The following SYNE3 variants were observed in gnomAD, a reference collection of about 807,000 sequenced individuals.
The protein encoded by SYNE3 is spectrin repeat containing nuclear envelope family member 3.
In SYNE3, 100 loss-of-function variants were observed where a neutral mutation model predicts 111.2. The observed-to-expected ratio is 0.90, with a 90% CI of 0.77 to 1.06. SYNE3 has a LOEUF of 1.06. SYNE3 is among the 50% of genes least tolerant of loss of function. SYNE3 has a pLI of 0.00. For missense variants in SYNE3, 1,160 were observed against 1,240.3 expected, an observed-to-expected ratio of 0.94 and a Z score of 0.97; for synonymous variants, 547 against 533.9, an observed-to-expected ratio of 1.02 and a Z score of -0.34.
intron 13 of SYNE3, among the ~76,000 whole-genome samples, chr14:95,439,411 C>T (rs1595191114): frequency 6.6e-6 from 1 of 152,330 alleles, no homozygotes; most frequent in East Asian, 1.9e-4. Flanking sequence ...AGACTGGAGG[C>T]TAACTCCCAA....
rs1889365962 is a variant in SYNE3, at chr14:95,483,324, AAGCTGACCC to A, written c.-14-7498_-14-7490del. Among the ~76,000 whole-genome samples the A allele has an allele frequency of 2.0e-5, 3 of 152,006 alleles. No homozygotes were observed. The South Asian group carries it at 6.2e-4, about 32-fold the overall frequency. On this transcript the variant is annotated intron_variant, in intron 1 of 17. Transcript: ENST00000682763. ...CAAGCTGGCCGGGGCCGCCCACCAC[AAGCTGACCC>A]AGAGTTCTGGCATGGGCGTGCTCGC...
In SYNE3 at chr14:95,467,863, G is replaced by A. The variant is rs1888286899; in HGVS notation, c.249C>T (p.Ile83=). Residue 83 remains isoleucine (I), a synonymous_variant, in exon 3 of 18, where the codon ATC becomes ATT. Coordinates refer to ENST00000682763, the MANE Select transcript of SYNE3 (RefSeq NM_152592.6). The stretch of plus-strand genomic sequence containing the variant: ...CCTTGATGTCCTTCAGCCGGGCCAG[G>A]ATCCCGGGCTTCTGGTCCCCAGGGC... The part of the protein sequence containing the change: ...ACCPGDQKPG[I]LARLKDIKAQ... 1 of 1,614,210 alleles carries A rather than the reference G, an allele frequency of 6.2e-7. No homozygotes were observed. Among genetic ancestry groups the A allele is most frequent in the East Asian group, 2.2e-5 (1 of 44,884 alleles).
Position 95,409,538 on chromosome 14 carries a change from T to C in SYNE3, c.*8288A>G, listed in dbSNP as rs999656269. 1 of 391,320 alleles carries C rather than the reference T, an allele frequency of 2.6e-6. No individual in the cohort carries two copies. Among genetic ancestry groups the C allele is most frequent in the Non-Finnish European group, 5.0e-6 (1 of 199,226 alleles). The allele number at this position is 391,320 out of a possible 1,614,324, so 24.2% of individuals were successfully genotyped here. A position where few individuals can be genotyped will look rare whatever the true frequency, so the allele number is the denominator to read the frequency against. The stretch of plus-strand genomic sequence containing the variant: ...CTGTCTCTCGGCTGGACAAGGTGGT[T>C]GGGTTGGGGATGATGTTACCATGAC... On this transcript the variant is annotated 3_prime_UTR_variant, in exon 18 of 18. Transcript: ENST00000682763.
At chr14:95,498,821 TC>T (rs924607296) in intron 1 of SYNE3, among the ~76,000 whole-genome samples, 8 of 151,506 alleles carry the variant, frequency 5.3e-5, no homozygotes, top group Non-Finnish European at 8.8e-5. Context: ...CACCTCTCAG[TC>T]CCCCCCAGGC....
rs11622015 is a variant in SYNE3, at chr14:95,412,463, C to T, written c.*5363G>A. On this transcript the variant is annotated 3_prime_UTR_variant, in exon 18 of 18. Transcript: ENST00000682763. ...CTCCCAGCACAAAGCCTGGCACAGG[C>T]TGGAGAATGCTTGTTGCATTGGATT... 109,165 of 152,238 alleles carry T rather than the reference C, an allele frequency of 0.72. 39,389 individuals carry two copies. The highest frequency in any genetic ancestry group is 0.76 in the Non-Finnish European group (51,712 of 68,050). 9.4% of individuals were successfully genotyped at this position (152,238 alleles called of 1,614,324 possible).
intron 17 of SYNE3, among the ~76,000 whole-genome samples, chr14:95,428,032 C>T (rs966181728): frequency 1.3e-5 from 2 of 152,192 alleles, no homozygotes; most frequent in Non-Finnish European, 2.9e-5. Context: ...AAAAGAACAG[C>T]AACCAAGATG....
At chr14:95,467,706 A>G (rs1252771312) in intron 3 of SYNE3, 89 bp downstream of exon 3, 1 of 1,491,826 alleles carries the variant, frequency 6.7e-7, no homozygotes, top group Non-Finnish European at 9.1e-7. Context: ...GGACTGGAGA[A>G]ATGTCTCTTG....
chr14:95,508,375 T>C (rs1213735276), intron 1 of SYNE3, among the ~76,000 whole-genome samples: 1 of 152,222 alleles, frequency 6.6e-6, no homozygotes, highest in East Asian at 1.9e-4. Flanking sequence ...ACTCGTTCAT[T>C]CATTCATTCT....
intron 2 of SYNE3, among the ~76,000 whole-genome samples, chr14:95,471,432 C>G (rs1204878504): frequency 1.3e-5 from 2 of 152,208 alleles, no homozygotes; most frequent in Non-Finnish European, 2.9e-5. Flanking sequence ...AGACCCACTG[C>G]CTTTTCAAGG....
At chr14:95,436,578 T>A in intron 15 of SYNE3, among the ~76,000 whole-genome samples, 1 of 152,008 alleles carries the variant, frequency 6.6e-6, no homozygotes, top group Non-Finnish European at 1.5e-5. Flanking sequence ...GTGACAGGAG[T>A]CAAGTGATTA....
rs567700504 is a variant in SYNE3, at chr14:95,411,474, T to C, written c.*6352A>G. On this transcript the variant is annotated 3_prime_UTR_variant, in exon 18 of 18. Transcript: ENST00000682763. ...GTAGTTTTGAGGACTGTGAGGTCCA[T>C]TGGGTCAGAGAGTGGGGAGTGGGAA... 15 of 152,158 alleles carry C rather than the reference T, an allele frequency of 9.9e-5. No individual in the cohort carries two copies. The highest frequency in any genetic ancestry group is 1.8e-4 in the Non-Finnish European group (12 of 68,046). 9.4% of individuals were successfully genotyped at this position (152,158 alleles called of 1,614,324 possible).
At chr14:95,471,476 G>A (rs1888523840) in intron 2 of SYNE3, among the ~76,000 whole-genome samples, 1 of 152,190 alleles carries the variant, frequency 6.6e-6, no homozygotes, top group African/African-American at 2.4e-5. Context: ...CAAGGCAGAG[G>A]AGCTGGCTGG....
chr14:95,507,692 C>A (rs541195874), intron 1 of SYNE3, among the ~76,000 whole-genome samples: 1 of 152,330 alleles, frequency 6.6e-6, no homozygotes, highest in South Asian at 2.1e-4. Context: ...GATACATAGG[C>A]AAATCACAGA....
chr14:95,481,978 G>A (rs1346968159), intron 1 of SYNE3, among the ~76,000 whole-genome samples: 1 of 152,192 alleles, frequency 6.6e-6, no homozygotes, highest in Non-Finnish European at 1.5e-5. Flanking sequence ...GCTGGGTCCA[G>A]ACCTCTCTCC....
At chr14:95,447,378 C>T (rs887033377) in intron 8 of SYNE3, among the ~76,000 whole-genome samples, 3 of 152,090 alleles carry the variant, frequency 2.0e-5, no homozygotes, top group East Asian at 1.9e-4. Flanking sequence ...CCTCGTGATC[C>T]GCCCACCTCG....
At chr14:95,429,072 C>T (rs756542199) in intron 17 of SYNE3, among the ~76,000 whole-genome samples, 8 of 152,330 alleles carry the variant, frequency 5.3e-5, no homozygotes, top group Middle Eastern at 3.4e-3. Flanking sequence ...TGCATGCGTG[C>T]GCATAACCAC....
chr14:95,464,094 C>T (rs3783288), intron 4 of SYNE3, among the ~76,000 whole-genome samples: 103,772 of 151,758 alleles, frequency 0.68, 35,625 homozygotes, highest in Admixed American at 0.73. Flanking sequence ...TTCTGCTTAT[C>T]ACAGAGCTTA....
At position 95,436,844 on chromosome 14, in the gene SYNE3, C is replaced by T. The variant is rs764421402; in HGVS notation, c.2514G>A (p.Leu838=). The stretch of plus-strand genomic sequence containing the variant: ...CCTGCAGCTTCGATTTTCTGGTCCT[C>T]AAGTCCTCAGCTGTAGAAGTTCTCA... The part of the protein sequence containing the change: ...IAMRTSTAED[L]RTRKSKLQEL... The change falls in exon 15 of 18, where the codon TTG becomes TTA. Residue 838 remains leucine, a synonymous_variant. Transcript: ENST00000682763. 38 of 1,614,092 alleles carry T rather than the reference C, an allele frequency of 2.4e-5. No individual in the cohort carries two copies. The African/African-American group carries it at 5.1e-4, about 22-fold the overall frequency.
intron 11 of SYNE3, among the ~76,000 whole-genome samples, chr14:95,440,567 T>G (rs1350427390): frequency 1.3e-5 from 2 of 152,220 alleles, no homozygotes; most frequent in African/African-American, 4.8e-5. Flanking sequence ...CGGTGGTATA[T>G]TCACACAATG....
Sources: gnomAD v4.1 joint callset for allele counts (sites outside exome capture counted in the v4.1 genomes callset) on GRCh38, gnomAD v4.1.1 for gene constraint, MANE v1.5 for transcripts, NCBI Gene and HGNC (gene_info 2026-07-23, HGNC 2026-07-21) for gene names.